FRMD6: variants seen among roughly 807,000 people sequenced by gnomAD.
The protein encoded by FRMD6 is FERM domain containing 6.
Under a neutral mutation model 73.2 loss-of-function variants are expected in FRMD6, and 37 were observed. The ratio of observed to expected loss-of-function variants is 0.51; its 90% CI spans 0.39 to 0.66. FRMD6 has a LOEUF of 0.66. Among genes scored for constraint, FRMD6 ranks in the 30% least tolerant of loss-of-function variants. FRMD6 has a pLI of 0.00. For missense variants in FRMD6, 714 were observed against 780.5 expected, an observed-to-expected ratio of 0.91 and a Z score of 1.02; for synonymous variants, 273 against 282.2, an observed-to-expected ratio of 0.97 and a Z score of 0.33.
chr14:51,528,991 G>A (rs1885424322), intron 1 of FRMD6, among the ~76,000 whole-genome samples: 1 of 152,102 alleles, frequency 6.6e-6, no homozygotes, highest in Non-Finnish European at 1.5e-5. Context: ...CAGTCTATGA[G>A]CCCCATATCT....
At chr14:51,513,486 G>C (rs145803380) in intron 1 of FRMD6, among the ~76,000 whole-genome samples, 2 of 152,312 alleles carry the variant, frequency 1.3e-5, no homozygotes, top group South Asian at 2.1e-4. Context: ...CCCCGGGCCA[G>C]GCCTTTCTTC....
chr14:51,541,882 G>A (rs1008542645), intron 1 of FRMD6, among the ~76,000 whole-genome samples: 3 of 151,976 alleles, frequency 2.0e-5, no homozygotes, highest in African/African-American at 7.2e-5. Flanking sequence ...TAAGAGGTAG[G>A]AACTTTGAAG....
chr14:51,690,385 T>G (rs1487344675), intron 2 of FRMD6, among the ~76,000 whole-genome samples: 1 of 152,016 alleles, frequency 6.6e-6, no homozygotes, highest in African/African-American at 2.4e-5. Flanking sequence ...GTTTTTTTTG[T>G]TTTTTGTTTT....
At chr14:51,428,963 AGAGGGTG>A in the FRMD6 span, among the ~76,000 whole-genome samples, 1 of 127,826 alleles carries the variant, frequency 7.8e-6, no homozygotes, top group African/African-American at 3.0e-5. Context: ...AGGGGGAGAG[AGAGGGTG>A]AGAGACAGAG....
chr14:51,543,593 A>G (rs1389106994), intron 1 of FRMD6, among the ~76,000 whole-genome samples: 3 of 152,000 alleles, frequency 2.0e-5, no homozygotes, highest in Non-Finnish European at 4.4e-5. Flanking sequence ...AGGAAGATAA[A>G]AAGACCTGAT....
intron 5 of FRMD6, 84 bp from the exon 6 acceptor site, chr14:51,704,665 A>G: frequency 8.9e-7 from 1 of 1,121,986 alleles, no homozygotes; most frequent in South Asian, 1.5e-5. Context: ...CTGTCACCAG[A>G]TGGAGAGAAG....
At chr14:51,539,346 G>C (rs1438840069) in intron 1 of FRMD6, among the ~76,000 whole-genome samples, 1 of 151,964 alleles carries the variant, frequency 6.6e-6, no homozygotes, top group African/African-American at 2.4e-5. Flanking sequence ...ATTTACCTTA[G>C]CTTATGAGCT....
chr14:51,416,972 C>G, the FRMD6 span, among the ~76,000 whole-genome samples: 1 of 151,814 alleles, frequency 6.6e-6, no homozygotes, highest in Non-Finnish European at 1.5e-5. Flanking sequence ...ACTAGTATTG[C>G]AACCCCTGCT....
chr14:51,543,557 T>A (rs1252440832), intron 1 of FRMD6, among the ~76,000 whole-genome samples: 1 of 152,018 alleles, frequency 6.6e-6, no homozygotes, highest in Non-Finnish European at 1.5e-5. Context: ...TACCACATGC[T>A]TGATAATATG....
chr14:51,467,397 CTCTT>C, the FRMD6 span, among the ~76,000 whole-genome samples: 1 of 152,358 alleles, frequency 6.6e-6, no homozygotes, highest in Non-Finnish European at 1.5e-5. Context: ...AATCCGATCT[CTCTT>C]TCTTTTCCCC....
At chr14:51,558,289 G>A (rs1395302635) in intron 1 of FRMD6, among the ~76,000 whole-genome samples, 3 of 152,016 alleles carry the variant, frequency 2.0e-5, no homozygotes, top group Non-Finnish European at 4.4e-5. Flanking sequence ...CCAACATGGC[G>A]AAACCCTGTC....
intron 1 of FRMD6, among the ~76,000 whole-genome samples, chr14:51,653,023 C>T (rs1374306782): frequency 2.0e-5 from 3 of 152,192 alleles, no homozygotes. Context: ...CCCTTAACAC[C>T]TTTTCATTTT....
chr14:51,695,446 A>G (rs2140404250), intron 2 of FRMD6, among the ~76,000 whole-genome samples: 1 of 152,294 alleles, frequency 6.6e-6, no homozygotes, highest in South Asian at 2.1e-4. Flanking sequence ...AGCTGTACAC[A>G]AAGAGAATGA....
chr14:51,472,820 G>A, the FRMD6 span, among the ~76,000 whole-genome samples: 1 of 152,130 alleles, frequency 6.6e-6, no homozygotes. Flanking sequence ...GCACTGAGGC[G>A]CCAGGAATCT....
Position 51,507,093 on chromosome 14 carries a change from C to G in FRMD6, c.-210+17673C>G, listed in dbSNP as rs975297911. Among the ~76,000 whole-genome samples the G allele has an allele frequency of 5.2e-5, 4 of 77,080 alleles. No individual in the cohort carries two copies. The East Asian group carries it at 1.0e-3, about 19-fold the overall frequency. 50.6% of individuals were successfully genotyped at this position (77,080 alleles called of 152,430 possible). ...AGAATTGGTTGTATAGACACACACA[C>G]ACACACACACACACACACACACACA... On this transcript the variant is annotated intron_variant, in intron 1 of 14. Coordinates refer to the FRMD6 transcript ENST00000356218.
intron 2 of FRMD6, among the ~76,000 whole-genome samples, chr14:51,610,189 A>AC (rs1176498507): frequency 1.3e-5 from 2 of 151,978 alleles, no homozygotes; most frequent in Non-Finnish European, 2.9e-5. Flanking sequence ...CGGCCAATGG[A>AC]CCCGGGGGTG....
chr14:51,466,840 T>C, the FRMD6 span, among the ~76,000 whole-genome samples: 2 of 152,272 alleles, frequency 1.3e-5, no homozygotes, highest in Non-Finnish European at 2.9e-5. Flanking sequence ...ATTGCTATCA[T>C]AACCATGTTG....
the FRMD6 span, among the ~76,000 whole-genome samples, chr14:51,441,011 A>G: frequency 2.0e-5 from 3 of 152,214 alleles, no homozygotes; most frequent in Non-Finnish European, 2.9e-5. Flanking sequence ...CTATGCCTTT[A>G]CCCACTTGAT....
the FRMD6 span, among the ~76,000 whole-genome samples, chr14:51,411,688 T>C: frequency 6.6e-6 from 1 of 152,250 alleles, no homozygotes; most frequent in African/African-American, 2.4e-5. Flanking sequence ...AATAGCACAA[T>C]TGTTTTGATT....
Sources: allele counts gnomAD v4.1 joint callset (sites outside exome capture counted in the v4.1 genomes callset), GRCh38; gene constraint gnomAD v4.1.1; transcripts MANE v1.5; gene names NCBI Gene and HGNC (gene_info 2026-07-23, HGNC 2026-07-21).